SOX5: variants seen among roughly 807,000 people sequenced by gnomAD.
SOX5 encodes the protein SRY-box transcription factor 5.
In SOX5, 9 loss-of-function variants were observed where a neutral mutation model predicts 92.0. That is an observed-to-expected ratio of 0.10 (90% CI 0.06 to 0.17). The LOEUF is 0.17. Among genes scored for constraint, SOX5 ranks in the 10% least tolerant of loss-of-function variants. The pLI, the probability that SOX5 is intolerant of heterozygous loss-of-function variation, is 1.00. For missense variants in SOX5, 642 were observed against 944.5 expected, an observed-to-expected ratio of 0.68 and a Z score of 4.20; for synonymous variants, 344 against 336.3, an observed-to-expected ratio of 1.02 and a Z score of -0.25.
chr12:24,164,317 T>C (rs1953131505), intron 4 of SOX5, among the ~76,000 whole-genome samples: 1 of 152,104 alleles, frequency 6.6e-6, no homozygotes, highest in South Asian at 2.1e-4. Flanking sequence ...TTAAATATTG[T>C]CATGTCTAAA....
At chr12:24,300,435 G>A (rs1330777899) in intron 2 of SOX5, among the ~76,000 whole-genome samples, 2 of 152,146 alleles carry the variant, frequency 1.3e-5, no homozygotes, top group Non-Finnish European at 2.9e-5. Flanking sequence ...AAACACAAGA[G>A]AGATGTGTGA....
intron 6 of SOX5, among the ~76,000 whole-genome samples, chr12:23,675,179 A>G (rs2085463092): frequency 6.6e-6 from 1 of 152,206 alleles, no homozygotes; most frequent in African/African-American, 2.4e-5. Flanking sequence ...TTTCTTGCTG[A>G]TATTTCCCAC....
At chr12:24,454,782 ATAATAAC>A (rs1268956048) in intron 1 of SOX5, among the ~76,000 whole-genome samples, 3 of 152,126 alleles carry the variant, frequency 2.0e-5, no homozygotes, top group African/African-American at 7.2e-5. Flanking sequence ...GTTTATGGTA[ATAATAAC>A]TAATTTTTTT....
At position 24,093,012 on chromosome 12, in the gene SOX5, T is replaced by TA. The variant is rs571852907; in HGVS notation, c.-2+120330dup. Among the ~76,000 whole-genome samples the TA allele has an allele frequency of 1.9e-4, 29 of 152,192 alleles. No individual in the cohort carries two copies. In the East Asian group the frequency reaches 4.8e-3, roughly 25 times the overall value. On this transcript the variant is annotated intron_variant, in intron 4 of 4. Coordinates refer to the SOX5 transcript ENST00000446891. ...CCAAGCAGTCTCAGCCATCTCATCTTAAAAAATCATGAGCTAAATAAAAAA... is the reference window on the plus strand; with the variant it reads ...CCAAGCAGTCTCAGCCATCTCATCTTAAAAAAATCATGAGCTAAATAAAAAA...
chr12:23,884,173 T>C (rs565182165), intron 2 of SOX5, among the ~76,000 whole-genome samples: 7 of 152,320 alleles, frequency 4.6e-5, no homozygotes, highest in African/African-American at 1.7e-4. Flanking sequence ...TTAAACACTG[T>C]ACGCACCCTC....
At chr12:24,194,021 C>G (rs1007097800) in intron 4 of SOX5, among the ~76,000 whole-genome samples, 1 of 152,172 alleles carries the variant, frequency 6.6e-6, no homozygotes, top group African/African-American at 2.4e-5. Context: ...TGTGGCTCTA[C>G]ATGTTCACAA....
chr12:23,654,906 AAT>A (rs752265022), intron 7 of SOX5, among the ~76,000 whole-genome samples: 7 of 152,214 alleles, frequency 4.6e-5, no homozygotes, highest in Non-Finnish European at 1.0e-4. Flanking sequence ...AAAATAAGAC[AAT>A]ATAAGGTAAT....
intron 9 of SOX5, among the ~76,000 whole-genome samples, chr12:23,589,062 A>G (rs962456621): frequency 6.6e-6 from 1 of 151,752 alleles, no homozygotes; most frequent in African/African-American, 2.4e-5. Context: ...GAAATCACCA[A>G]TGATAGGACA....
chr12:24,235,049 T>C (rs905057269), intron 3 of SOX5, among the ~76,000 whole-genome samples: 10 of 152,214 alleles, frequency 6.6e-5, no homozygotes, highest in African/African-American at 2.4e-4. Flanking sequence ...GCCTGCAGTA[T>C]TTGCATGAGA....
intron 1 of SOX5, among the ~76,000 whole-genome samples, chr12:24,548,335 C>T (rs1952842801): frequency 6.6e-6 from 1 of 152,132 alleles, no homozygotes; most frequent in Admixed American, 6.5e-5. Context: ...GTCATAAGAT[C>T]AGAGTGAGAG....
intron 8 of SOX5, among the ~76,000 whole-genome samples, chr12:23,615,481 C>G (rs141004240): frequency 5.8e-4 from 88 of 152,042 alleles, no homozygotes; most frequent in African/African-American, 2.0e-3. Context: ...TTATTTTTTT[C>G]TGTTCTTCTC....
intron 2 of SOX5, among the ~76,000 whole-genome samples, chr12:24,295,155 T>C (rs543760397): frequency 6.6e-6 from 1 of 152,194 alleles, no homozygotes; most frequent in Non-Finnish European, 1.5e-5. Flanking sequence ...TATATATGAG[T>C]AAATATAAGT....
chr12:24,080,995 C>G (rs1236558999), intron 4 of SOX5, among the ~76,000 whole-genome samples: 1 of 152,090 alleles, frequency 6.6e-6, no homozygotes, highest in East Asian at 1.9e-4. Context: ...TTAGCCTGCT[C>G]TCTGTAATTA....
intron 4 of SOX5, among the ~76,000 whole-genome samples, chr12:23,993,922 T>C (rs532140759): frequency 5.3e-5 from 8 of 152,096 alleles, no homozygotes; most frequent in Admixed American, 3.9e-4. Flanking sequence ...TATGCATGTA[T>C]GCATGTATGT....
At chr12:23,801,347 T>C (rs963670781) in intron 3 of SOX5, among the ~76,000 whole-genome samples, 1 of 152,198 alleles carries the variant, frequency 6.6e-6, no homozygotes, top group African/African-American at 2.4e-5. Flanking sequence ...GTGACAGTTA[T>C]AAGGCCTTCC....
intron 2 of SOX5, among the ~76,000 whole-genome samples, chr12:24,313,017 C>T (rs1327110420): frequency 1.3e-5 from 2 of 152,096 alleles, no homozygotes; most frequent in Non-Finnish European, 1.5e-5. Flanking sequence ...TTTTAAATAA[C>T]CTTCTGCTTC....
chr12:24,404,372 C>A (rs1412291898), intron 1 of SOX5, among the ~76,000 whole-genome samples: 1 of 152,156 alleles, frequency 6.6e-6, no homozygotes, highest in Non-Finnish European at 1.5e-5. Flanking sequence ...GCTTCAGGAA[C>A]ATTTGAACCC....
At position 24,498,215 on chromosome 12, in the gene SOX5, A is replaced by G. The variant is rs936289743; in HGVS notation, c.-251+64114T>C. Among the ~76,000 whole-genome samples the G allele has an allele frequency of 2.9e-5, 4 of 136,810 alleles. No homozygotes were observed. The East Asian group carries it at 7.9e-4, about 27-fold the overall frequency. The allele number at this position is 136,810 out of a possible 152,430, so 89.8% of individuals were successfully genotyped here. ...ATATGTACCCCAGAACTTAAAATGTAAAAAAAAAAAAATACTCAGGACAGA... is the reference window on the plus strand; with the variant it reads ...ATATGTACCCCAGAACTTAAAATGTGAAAAAAAAAAAATACTCAGGACAGA... On this transcript the variant is annotated intron_variant, in intron 1 of 4. Transcript: ENST00000446891.
intron 7 of SOX5, among the ~76,000 whole-genome samples, chr12:23,658,216 C>A (rs1246664232): frequency 6.6e-6 from 1 of 152,096 alleles, no homozygotes; most frequent in East Asian, 1.9e-4. Flanking sequence ...AAAGACATAT[C>A]CCTTTTTCAG....
Sources: gnomAD v4.1 joint callset for allele counts (sites outside exome capture counted in the v4.1 genomes callset) on GRCh38, gnomAD v4.1.1 for gene constraint, MANE v1.5 for transcripts, NCBI Gene and HGNC (gene_info 2026-07-23, HGNC 2026-07-21) for gene names.